Variants in FMN2 observed in about 807,000 individuals in gnomAD.
FMN2 encodes formin 2, also known as formin-2.
In FMN2, 51 loss-of-function variants were observed where a neutral mutation model predicts 142.3. The observed-to-expected ratio is 0.36, with a 90% CI of 0.29 to 0.45. The LOEUF is 0.45. Ranked by LOEUF, FMN2 falls within the 20% of genes least tolerant of loss-of-function variation. The pLI is 1.00. For synonymous variants in FMN2, 882 were observed against 869.8 expected, an observed-to-expected ratio of 1.01 and a Z score of -0.25; for missense variants, 1,936 against 2,122.8, an observed-to-expected ratio of 0.91 and a Z score of 1.73.
rs1290986553 is a variant in FMN2, at chr1:240,211,146, C to G, written c.3976C>G (p.His1326Asp). 1 of 1,613,366 alleles carries G rather than the reference C, an allele frequency of 6.2e-7. No homozygotes were observed. The highest frequency in any genetic ancestry group is 8.5e-7 in the Non-Finnish European group (1 of 1,179,732). The change falls in exon 6 of 18, where the codon CAT becomes GAT. Residue 1326 changes from histidine (H) to aspartate (D), a missense_variant. His to Asp is a moderately conservative substitution (Grantham distance 81). Around this residue, in one of 8 missense-constraint regions of FMN2, gnomAD observed 259 missense variants for 230.9 expected, o/e 1.12. Transcript: ENST00000319653. ...AATTGAAGAGCCATCCATAGATTGTCATGAATTTGAGGAATTATTTTCTAA... is the reference window on the plus strand; with the variant it reads ...AATTGAAGAGCCATCCATAGATTGTGATGAATTTGAGGAATTATTTTCTAA... ...EKIEEPSIDC[H>D]EFEELFSKTA...
Position 240,207,173 on chromosome 1 carries a change from G to C in FMN2, c.2361G>C (p.Leu787Phe). The C allele has an allele frequency of 6.2e-7, 1 of 1,613,994 alleles. No homozygotes were observed. The highest frequency in any genetic ancestry group is 8.5e-7 in the Non-Finnish European group (1 of 1,179,956). The part of the protein sequence containing the change: ...PQTKFCSEIS[L>F]IVSPRRISVQ... ...CAAAGTTCTGTTCAGAGATTTCTTT[G>C]ATTGTGTCTCCAAGGCGAATATCAG... Residue 787 changes from leucine (L) to phenylalanine (F), a missense_variant, in exon 5 of 18, where the codon TTG becomes TTC. By Grantham distance (22) the Leu-to-Phe change is conservative. Around this residue, in one of 8 missense-constraint regions of FMN2, gnomAD observed 478 missense variants for 462.8 expected, o/e 1.03. Coordinates refer to ENST00000319653, the MANE Select transcript of FMN2 (RefSeq NM_020066.5).
chr1:240,351,907 T>C (rs541503236), intron 13 of FMN2, among the ~76,000 whole-genome samples: 5 of 152,310 alleles, frequency 3.3e-5, no homozygotes, highest in Non-Finnish European at 7.4e-5. Flanking sequence ...TATGATATCA[T>C]GGATGTGTAT....
intron 6 of FMN2, among the ~76,000 whole-genome samples, chr1:240,221,834 GT>G (rs1231624786): frequency 5.3e-5 from 7 of 132,006 alleles, no homozygotes; most frequent in African/African-American, 2.0e-4. Flanking sequence ...TATTGCCTAG[GT>G]TTTCTTCTAG....
chr1:240,393,617 G>T lies in FMN2; in HGVS notation c.4910+1055G>T, dbSNP rs550936822. Among the ~76,000 whole-genome samples the T allele has an allele frequency of 7.9e-4, 121 of 152,300 alleles. 1 individual carries two copies. The highest frequency in any genetic ancestry group is 6.6e-4 in the Non-Finnish European group (45 of 68,024). On this transcript the variant is annotated intron_variant, in intron 15 of 17. Coordinates refer to ENST00000319653, the MANE Select transcript of FMN2 (RefSeq NM_020066.5). ...CACTTTAAAACAAAAGCTAGAAATG[G>T]TTAACCTTAATGAGGAAGGTATATC...
intron 15 of FMN2, among the ~76,000 whole-genome samples, chr1:240,407,229 C>T (rs146282299): frequency 0.021 from 3,219 of 151,950 alleles, 127 homozygotes; most frequent in African/African-American, 0.074. Flanking sequence ...CCTCCGCTGC[C>T]CGGGTTCAAG....
intron 14 of FMN2, among the ~76,000 whole-genome samples, chr1:240,362,897 C>T (rs559897772): frequency 6.6e-6 from 1 of 152,150 alleles, no homozygotes; most frequent in Non-Finnish European, 1.5e-5. Context: ...CATACTTCTA[C>T]CCGCCTCCCC....
chr1:240,343,247 C>T (rs1211926829), intron 13 of FMN2, among the ~76,000 whole-genome samples: 1 of 152,226 alleles, frequency 6.6e-6, no homozygotes, highest in African/African-American at 2.4e-5. Context: ...TATGACTACT[C>T]TGTGTCACTG....
intron 15 of FMN2, among the ~76,000 whole-genome samples, chr1:240,393,188 A>G: frequency 6.6e-6 from 1 of 151,272 alleles, no homozygotes; most frequent in East Asian, 1.9e-4. Context: ...TTTTTTCACA[A>G]ATTGAAGGTT....
intron 2 of FMN2, among the ~76,000 whole-genome samples, chr1:240,142,500 T>TTTATTTATTTATTTATTTATA (rs1553331235): frequency 4.0e-5 from 6 of 150,794 alleles, no homozygotes; most frequent in Non-Finnish European, 8.8e-5. Flanking sequence ...TTTATTTATA[T>TTTATTTATTTATTTATTTATA]TTTTTGGGGG....
intron 3 of FMN2, among the ~76,000 whole-genome samples, chr1:240,186,577 C>T (rs998925547): frequency 2.0e-5 from 3 of 152,146 alleles, no homozygotes; most frequent in Admixed American, 2.0e-4. Context: ...AGCAAAGCCC[C>T]GAAGGAAGCA....
chr1:240,231,516 A>G (rs189627359), intron 6 of FMN2, among the ~76,000 whole-genome samples: 57 of 152,344 alleles, frequency 3.7e-4, no homozygotes, highest in African/African-American at 1.3e-3. Context: ...CGGCTAAATT[A>G]GAATCATTTA....
At chr1:240,399,534 T>TG (rs1317060139) in intron 15 of FMN2, among the ~76,000 whole-genome samples, 1 of 152,176 alleles carries the variant, frequency 6.6e-6, no homozygotes, top group East Asian at 1.9e-4. Flanking sequence ...CAGACACTTA[T>TG]GGTAATGAAG....
intron 16 of FMN2, among the ~76,000 whole-genome samples, chr1:240,469,839 C>T (rs1293175664): frequency 6.6e-6 from 1 of 152,002 alleles, no homozygotes; most frequent in African/African-American, 2.4e-5. Context: ...TTTCATTGTC[C>T]CTATAATGTT....
chr1:240,331,022 AT>A (rs1671357393), intron 11 of FMN2, among the ~76,000 whole-genome samples: 1 of 152,206 alleles, frequency 6.6e-6, no homozygotes, highest in South Asian at 2.1e-4. Flanking sequence ...TATTGTTTTA[AT>A]ATAAAACAAT....
chr1:240,138,064 CAAAAAAAAAAAAAA>C (rs369637580), intron 2 of FMN2, among the ~76,000 whole-genome samples: 1 of 95,600 alleles, frequency 1.0e-5, no homozygotes, highest in African/African-American at 4.0e-5. Context: ...GACTCCATCT[CAAAAAAAAAAAAAA>C]AAAAAAAAGT....
At chr1:240,305,895 C>T (rs1056641244) in intron 8 of FMN2, among the ~76,000 whole-genome samples, 1 of 151,042 alleles carries the variant, frequency 6.6e-6, no homozygotes, top group Admixed American at 6.6e-5. Context: ...ATAAGGTCAG[C>T]ATAATTGTTT....
At chr1:240,129,613 C>T (rs559495467) in intron 2 of FMN2, among the ~76,000 whole-genome samples, 47 of 151,612 alleles carry the variant, frequency 3.1e-4, no homozygotes, top group African/African-American at 1.1e-3. Context: ...TGCGATTCTC[C>T]TGCCTCAGCC....
At chr1:240,307,409 G>C (rs924671320) in intron 8 of FMN2, among the ~76,000 whole-genome samples, 1 of 152,134 alleles carries the variant, frequency 6.6e-6, no homozygotes, top group Admixed American at 6.5e-5. Context: ...TGCATCTTGA[G>C]TTAATTTTTA....
At position 240,474,203 on chromosome 1, in the gene FMN2, A is replaced by C; in HGVS notation, c.*49A>C. ...GAGTCATTGCAACGACTTTCACAAA[A>C]TTCAGCTGACCTGAGAGTGGGAGGG... On this transcript the variant is annotated 3_prime_UTR_variant, in exon 18 of 18. Coordinates refer to ENST00000319653, the MANE Select transcript of FMN2 (RefSeq NM_020066.5). 2.0e-6 allele frequency: 3 copies of C among 1,515,412 alleles called. No individual in the cohort carries two copies. In the Admixed American group the frequency reaches 7.5e-5, roughly 38 times the overall value. The allele number at this position is 1,515,412 out of a possible 1,614,324, so 93.9% of individuals were successfully genotyped here.
Sources: gnomAD v4.1 joint callset for allele counts (sites outside exome capture counted in the v4.1 genomes callset) on GRCh38, gnomAD v4.1.1 for gene constraint, gnomAD v4.1.1 regional missense constraint, MANE v1.5 for transcripts, NCBI Gene and HGNC (gene_info 2026-07-23, HGNC 2026-07-21) for gene names.